The following MIA2 variants were observed in gnomAD, a reference collection of about 807,000 sequenced individuals.
MIA2 encodes melanoma inhibitory activity protein 2.
MIA2 carries 127 observed loss-of-function variants against 167.8 expected under a neutral mutation model. The observed-to-expected ratio is 0.76, with a 90% confidence interval of 0.66 to 0.88. The LOEUF (loss-of-function observed/expected upper bound fraction) is 0.88, where lower values mean the gene tolerates loss of function less well. MIA2 is among the 40% of genes least tolerant of loss of function. The probability of loss-of-function intolerance (pLI) is 0.00; values close to 1 mark genes in which losing one functional copy is unlikely to be tolerated. For missense variants in MIA2, 1,690 were observed against 1,624.7 expected, an observed-to-expected ratio of 1.04 and a Z score of -0.69; for synonymous variants, 552 against 541.9, an observed-to-expected ratio of 1.02 and a Z score of -0.26.
At chr14:39,364,565 C>G (rs1273155247) in intron 23 of MIA2, among the ~76,000 whole-genome samples, 1 of 151,680 alleles carries the variant, frequency 6.6e-6, no homozygotes, top group African/African-American at 2.4e-5. Context: ...CCTTTCCCTT[C>G]CATTTATAGG....
chr14:39,300,038 ACT>A lies in MIA2; in HGVS notation c.2619+55_2619+56del, dbSNP rs772630959. 3.8e-6 allele frequency: 6 copies of A among 1,559,534 alleles called. No individual in the cohort carries two copies. In the South Asian group the frequency reaches 4.8e-5, roughly 13 times the overall value. The stretch of plus-strand genomic sequence containing the variant: ...TCAAGTTGGCTAGAATTTTACACTA[ACT>A]CTGAAATTTGAAAGCTAGTTTTTAG... On this transcript the variant is annotated intron_variant, in intron 14 of 28. Transcript: ENST00000640607.
chr14:39,309,667 A>T (rs1174424098), intron 18 of MIA2, among the ~76,000 whole-genome samples: 2 of 151,988 alleles, frequency 1.3e-5, no homozygotes, highest in African/African-American at 4.8e-5. Context: ...CCTCTGATTG[A>T]TTGCTTTTCT....
rs755400904 is a variant in MIA2 at position 39,247,501 on chromosome 14, G to T, written c.927G>T (p.Trp309Cys). The T allele has an allele frequency of 4.9e-5, 79 of 1,613,916 alleles. No individual in the cohort carries two copies. The highest frequency in any genetic ancestry group is 5.8e-5 in the Non-Finnish European group (68 of 1,179,996). Residue 309 changes from tryptophan to cysteine, a missense_variant, in exon 4 of 29, where the codon TGG becomes TGT. By Grantham distance (215) the Trp-to-Cys change is radical (BLOSUM62 -2). Transcript: ENST00000640607. The part of the protein sequence containing the change: ...EHIPKPQSTG[W>C]FGGGFTSYLG... ...TTCCCAAACCTCAATCCACTGGTTG[G>T]TTTGGTGGAGGATTTACAAGTTATT...
Position 39,297,795 on chromosome 14 carries a change from T to C in MIA2, c.2497-2069T>C, listed in dbSNP as rs2061647663. On this transcript the variant is annotated intron_variant, in intron 13 of 28. Transcript: ENST00000640607. ...TGTCATGGGAGGCTTTCCAACTGCT[T>C]TTTATACAGACTTTTGGCCAGTCCT... Among the ~76,000 whole-genome samples, 3 of 152,130 alleles carry C rather than the reference T, an allele frequency of 2.0e-5. No homozygotes were observed. In the Middle Eastern group the frequency reaches 0.01, roughly 517 times the overall value.
chr14:39,320,426 T>A (rs534276225), intron 23 of MIA2, among the ~76,000 whole-genome samples: 1 of 152,308 alleles, frequency 6.6e-6, no homozygotes, highest in East Asian at 1.9e-4. Flanking sequence ...AATTGTGATC[T>A]TGCTTCAGAG....
chr14:39,374,325 T>C (rs1447319078), intron 23 of MIA2, among the ~76,000 whole-genome samples: 1 of 152,146 alleles, frequency 6.6e-6, no homozygotes, highest in Non-Finnish European at 1.5e-5. Flanking sequence ...CTAAGGAAAT[T>C]TGAAAGCAAC....
intron 25 of MIA2, among the ~76,000 whole-genome samples, chr14:39,328,391 A>G (rs1250929338): frequency 2.0e-5 from 3 of 152,160 alleles, no homozygotes; most frequent in Non-Finnish European, 4.4e-5. Flanking sequence ...ATAGATTGCA[A>G]AAATTTTCTC....
At position 39,319,214 on chromosome 14, in the gene MIA2, C is replaced by A; in HGVS notation, c.3290C>A (p.Thr1097Asn). ...KENAHNRQKLTETELKFELLE... is the reference protein window; with the variant it reads ...KENAHNRQKLNETELKFELLE... ...TGTTTGTTCTTTATTTGCAGATTAA[C>A]TGAAACAGAGCTTAAATTTGAACTT... The change falls in exon 23 of 29, where the codon ACT (threonine) becomes AAT (asparagine). Residue 1097 changes from threonine to asparagine, a missense_variant. Thr to Asn is a moderately conservative substitution (Grantham distance 65, BLOSUM62 0). Transcript: ENST00000640607. The A allele has an allele frequency of 6.4e-7, 1 of 1,554,128 alleles. No homozygotes were observed. Among genetic ancestry groups the A allele is most frequent in the Non-Finnish European group, 8.7e-7 (1 of 1,144,120 alleles).
intron 13 of MIA2, among the ~76,000 whole-genome samples, chr14:39,297,416 G>C (rs2061579007): frequency 6.6e-6 from 1 of 152,162 alleles, no homozygotes; most frequent in Admixed American, 6.5e-5. Flanking sequence ...CTAATTGGAG[G>C]ATTCTCAGTT....
chr14:39,266,699 G>A (rs757702260), intron 6 of MIA2: 17 of 985,624 alleles, frequency 1.7e-5, no homozygotes, highest in Non-Finnish European at 1.9e-5. Flanking sequence ...TGACGGCGGC[G>A]GCTGGCTTCT....
intron 24 of MIA2, among the ~76,000 whole-genome samples, chr14:39,325,568 C>T (rs997493947): frequency 1.1e-4 from 17 of 150,362 alleles, no homozygotes; most frequent in Admixed American, 4.7e-4. Context: ...GGGGTTTCAC[C>T]TTGTTAGCCA....
downstream of MIA2, among the ~76,000 whole-genome samples, chr14:39,353,130 G>C (rs1481679257): frequency 6.6e-6 from 1 of 152,094 alleles, no homozygotes; most frequent in Non-Finnish European, 1.5e-5. Flanking sequence ...ACTGTGTAAT[G>C]ATCAAGTCAG....
chr14:39,322,637 A>G (rs905242295), intron 24 of MIA2, among the ~76,000 whole-genome samples: 4 of 151,602 alleles, frequency 2.6e-5, no homozygotes, highest in Non-Finnish European at 5.9e-5. Flanking sequence ...TAGCTATTCT[A>G]CATTTATCTC....
Position 39,294,028 on chromosome 14 carries a change from C to G in MIA2, c.2348C>G (p.Ser783Cys), listed in dbSNP as rs2061080461. ...LMADISKRIQ[S>C]LEDESKSLKS... ...GCGGATATTTCAAAAAGGATACAGT[C>G]TCTAGAAGATGAGTCAAAATCCCTC... Residue 783 changes from serine to cysteine, a missense_variant, in exon 12 of 29, where the codon TCT becomes TGT. Physicochemically the swap from Ser to Cys is moderately radical, Grantham distance 112. Coordinates refer to ENST00000640607, the MANE Select transcript of MIA2 (RefSeq NM_001329214.4). The G allele has an allele frequency of 2.5e-6, 4 of 1,612,004 alleles. No individual in the cohort carries two copies. Among genetic ancestry groups the G allele is most frequent in the African/African-American group, 1.3e-5 (1 of 74,808 alleles).
At chr14:39,273,066 G>C (rs1304050615) in intron 6 of MIA2, among the ~76,000 whole-genome samples, 1 of 151,954 alleles carries the variant, frequency 6.6e-6, no homozygotes, top group Non-Finnish European at 1.5e-5. Flanking sequence ...GATTTTCTCT[G>C]TGTATAGAAT....
chr14:39,290,242 A>G (rs1347230916), intron 9 of MIA2, among the ~76,000 whole-genome samples: 1 of 152,092 alleles, frequency 6.6e-6, no homozygotes, highest in Non-Finnish European at 1.5e-5. Context: ...AATGTCAAAT[A>G]CTAGACTTGC....
chr14:39,313,596 T>C (rs2064759663), intron 19 of MIA2, among the ~76,000 whole-genome samples, 155 bp downstream of exon 19: 1 of 152,146 alleles, frequency 6.6e-6, no homozygotes, highest in Non-Finnish European at 1.5e-5. Flanking sequence ...GTCTCATCAC[T>C]TTTCATTCAG....
chr14:39,279,279 T>C, intron 7 of MIA2, 58 bp from the exon 8 acceptor site: 1 of 1,470,746 alleles, frequency 6.8e-7, no homozygotes, highest in East Asian at 2.3e-5. Flanking sequence ...GTTAAATGAA[T>C]TGATTTACTT....
intron 15 of MIA2, among the ~76,000 whole-genome samples, 158 bp from the exon 16 acceptor site, chr14:39,303,320 A>G (rs946425803): frequency 6.6e-6 from 1 of 152,164 alleles, no homozygotes; most frequent in Non-Finnish European, 1.5e-5. Context: ...TCCTGGGAGC[A>G]GGTCCAAGGC....
Sources: gnomAD v4.1 joint callset for allele counts (sites outside exome capture counted in the v4.1 genomes callset) on GRCh38, gnomAD v4.1.1 for gene constraint, MANE v1.5 for transcripts, NCBI Gene and HGNC (gene_info 2026-07-23, HGNC 2026-07-21) for gene names.